The following PLXDC2 variants were observed in gnomAD, a reference collection of about 807,000 sequenced individuals.
The protein encoded by PLXDC2 is plexin domain-containing protein 2.
PLXDC2 carries 40 observed loss-of-function variants against 68.9 expected under a neutral mutation model. The observed-to-expected ratio is 0.58, with a 90% CI of 0.45 to 0.76. The LOEUF (loss-of-function observed/expected upper bound fraction) is 0.76, where lower values mean the gene tolerates loss of function less well. Among genes scored for constraint, PLXDC2 ranks in the 30% least tolerant of loss-of-function variants. PLXDC2 has a pLI of 0.00. For synonymous variants in PLXDC2, 243 were observed against 234.2 expected, an observed-to-expected ratio of 1.04 and a Z score of -0.34; for missense variants, 644 against 661.9, an observed-to-expected ratio of 0.97 and a Z score of 0.30.
At chr10:19,839,186 CA>C (rs3043806) in intron 1 of PLXDC2, among the ~76,000 whole-genome samples, 5,005 of 100,968 alleles carry the variant, frequency 0.05, 176 homozygotes, top group East Asian at 0.15. Context: ...AACTCAGTCT[CA>C]AAAAAAAAAA....
rs1330473039 is a variant in PLXDC2 at position 20,210,897 on chromosome 10, G to T, written c.1062-772G>T. On this transcript the variant is annotated intron_variant, in intron 9 of 13. Transcript: ENST00000377252. ...CTTGGTCTCCAGGGTTTTTATTAAG[G>T]GTTCATTCATCAGGATAGAATGCCC... Among the ~76,000 whole-genome samples the T allele has an allele frequency of 7.2e-5, 11 of 152,040 alleles. 1 individual carries two copies. The highest frequency in any genetic ancestry group is 7.2e-4 in the Admixed American group (11 of 15,242).
At chr10:20,141,413 A>G (rs1028120167) in intron 4 of PLXDC2, among the ~76,000 whole-genome samples, 2 of 152,060 alleles carry the variant, frequency 1.3e-5, no homozygotes, top group African/African-American at 4.8e-5. Context: ...TGGATTTTGT[A>G]TTTATTTAAA....
rs1218029733 is a variant in PLXDC2 at position 20,288,985 on chromosome 10, T to C, written c.*9166T>C. The stretch of plus-strand genomic sequence containing the variant: ...TTTAGAAGGGGGAGGAGGGAGCTAT[T>C]TGTGTAAGACTGCTGTCATATTTGA... On this transcript the variant is annotated 3_prime_UTR_variant, in exon 14 of 14. Transcript: ENST00000377252. 6.6e-6 allele frequency: 1 copy of C among 152,224 alleles called. No homozygotes were observed. Among genetic ancestry groups the C allele is most frequent in the Non-Finnish European group, 1.5e-5 (1 of 68,040 alleles). 9.4% of individuals were successfully genotyped at this position (152,224 alleles called of 1,614,324 possible).
intron 1 of PLXDC2, among the ~76,000 whole-genome samples, chr10:19,981,316 T>C (rs1015926352): frequency 1.3e-5 from 2 of 152,198 alleles, no homozygotes; most frequent in Non-Finnish European, 2.9e-5. Context: ...ATCCTAGACC[T>C]TGAAAATGAA....
intron 1 of PLXDC2, among the ~76,000 whole-genome samples, chr10:19,839,812 C>T (rs1392573032): frequency 3.9e-5 from 6 of 152,112 alleles, no homozygotes; most frequent in Non-Finnish European, 7.4e-5. Context: ...CATCCATTTA[C>T]TTTCTTGCTT....
chr10:20,046,380 T>A lies in PLXDC2; in HGVS notation c.325-489T>A, dbSNP rs530257845. ...AGAAGGAAATATATATTGAAATTTT[T>A]AAATATGCAAAACATTTAATCATTA... On this transcript the variant is annotated intron_variant, in intron 2 of 13. Coordinates refer to ENST00000377252, the MANE Select transcript of PLXDC2 (RefSeq NM_032812.9). 1.4e-3 allele frequency among the ~76,000 whole-genome samples: 214 copies of A among 152,252 alleles called. 1 individual carries two copies. Among genetic ancestry groups the A allele is most frequent in the Admixed American group, 3.9e-3 (59 of 15,280 alleles).
chr10:20,263,848 G>A (rs1564370844), intron 13 of PLXDC2, among the ~76,000 whole-genome samples: 1 of 152,110 alleles, frequency 6.6e-6, no homozygotes, highest in Non-Finnish European at 1.5e-5. Flanking sequence ...TAGAATAAAG[G>A]GAACCCTTTT....
At chr10:20,047,150 A>G (rs931468708) in intron 3 of PLXDC2, 135 bp downstream of exon 3, 20 of 800,184 alleles carry the variant, frequency 2.5e-5, no homozygotes, top group Non-Finnish European at 3.5e-5. Context: ...TCGCTTTTCA[A>G]GTGTATTCAG....
chr10:20,278,330 A>C (rs985097810), intron 13 of PLXDC2, among the ~76,000 whole-genome samples: 2 of 152,148 alleles, frequency 1.3e-5, no homozygotes, highest in Non-Finnish European at 2.9e-5. Context: ...AGTAGTGAGC[A>C]CTGCAACATG....
At chr10:20,212,097 G>T (rs1418940510) in intron 10 of PLXDC2, among the ~76,000 whole-genome samples, 1 of 151,914 alleles carries the variant, frequency 6.6e-6, no homozygotes, top group Non-Finnish European at 1.5e-5. Context: ...GGGAGCTTGT[G>T]GGGAGGGGTG....
At chr10:19,973,975 T>A (rs1233582160) in intron 1 of PLXDC2, among the ~76,000 whole-genome samples, 2 of 152,186 alleles carry the variant, frequency 1.3e-5, no homozygotes, top group Non-Finnish European at 2.9e-5. Flanking sequence ...GTTTTATAGG[T>A]GAAACTAGAA....
Position 19,846,528 on chromosome 10 carries a change from A to C in PLXDC2, c.112+29337A>C, listed in dbSNP as rs576718821. On this transcript the variant is annotated intron_variant, in intron 1 of 13. Coordinates refer to ENST00000377252, the MANE Select transcript of PLXDC2 (RefSeq NM_032812.9). ...ATCATACCTCTCTTTCATTATAAAG[A>C]ATAACTCCTACTATAAACTTTTTTG... Among the ~76,000 whole-genome samples, 17 of 152,332 alleles carry C rather than the reference A, an allele frequency of 1.1e-4. No homozygotes were observed. The South Asian group carries it at 3.5e-3, about 32-fold the overall frequency.
At chr10:19,985,134 T>C (rs1398692910) in intron 1 of PLXDC2, among the ~76,000 whole-genome samples, 3 of 152,254 alleles carry the variant, frequency 2.0e-5, no homozygotes, top group East Asian at 3.8e-4. Flanking sequence ...ATCAGGGCGA[T>C]ACATGCATTG....
chr10:19,958,102 C>T (rs909350843), intron 1 of PLXDC2, among the ~76,000 whole-genome samples: 1 of 151,908 alleles, frequency 6.6e-6, no homozygotes, highest in Admixed American at 6.6e-5. Context: ...CTTGGATTAA[C>T]ACCTGTTCTT....
At chr10:20,051,653 T>G (rs1835903582) in intron 3 of PLXDC2, among the ~76,000 whole-genome samples, 1 of 151,892 alleles carries the variant, frequency 6.6e-6, no homozygotes, top group Non-Finnish European at 1.5e-5. Flanking sequence ...CGTAGAGCTT[T>G]GCTAGCCAGT....
intron 12 of PLXDC2, among the ~76,000 whole-genome samples, chr10:20,242,859 G>C (rs149240531): frequency 1.7e-4 from 26 of 152,038 alleles, no homozygotes; most frequent in Non-Finnish European, 3.1e-4. Context: ...ATAGGCGCCC[G>C]CCACCAAGCC....
At chr10:19,830,767 A>G (rs1383699346) in intron 1 of PLXDC2, among the ~76,000 whole-genome samples, 1 of 151,508 alleles carries the variant, frequency 6.6e-6, no homozygotes, top group Non-Finnish European at 1.5e-5. Flanking sequence ...GAGTTGTTGC[A>G]TTGGGAAGAT....
At chr10:20,279,443 G>A (rs1836052216) in intron 13 of PLXDC2, among the ~76,000 whole-genome samples, 1 of 152,096 alleles carries the variant, frequency 6.6e-6, no homozygotes, top group Non-Finnish European at 1.5e-5. Context: ...TTGCTTGGGA[G>A]AAGCTCTGAA....
intron 1 of PLXDC2, among the ~76,000 whole-genome samples, chr10:19,920,712 C>T (rs1166952025): frequency 6.6e-6 from 1 of 152,152 alleles, no homozygotes; most frequent in African/African-American, 2.4e-5. Context: ...CATGCACCAT[C>T]ACACCTAGAT....
Sources: allele counts gnomAD v4.1 joint callset (sites outside exome capture counted in the v4.1 genomes callset), GRCh38; gene constraint gnomAD v4.1.1; transcripts MANE v1.5; gene names NCBI Gene and HGNC (gene_info 2026-07-23, HGNC 2026-07-21).